TNKS1BP1: variants seen among roughly 807,000 people sequenced by gnomAD.
TNKS1BP1 encodes the protein 182 kDa tankyrase-1-binding protein.
Under a neutral mutation model 141.1 loss-of-function variants are expected in TNKS1BP1, and 48 were observed. That is an observed-to-expected ratio of 0.34 (90% CI 0.27 to 0.43). The LOEUF (loss-of-function observed/expected upper bound fraction) is 0.43. Among genes scored for constraint, TNKS1BP1 ranks in the 20% least tolerant of loss-of-function variants. The pLI is 1.00. For synonymous variants in TNKS1BP1, 875 were observed against 898.2 expected (o/e 0.97, Z 0.46); for missense variants, 2,149 against 2,226.0 (o/e 0.97, Z 0.70).
At chr11:57,311,371 C>G (rs1174489852) in intron 5 of TNKS1BP1, 4 of 985,770 alleles carry the variant, frequency 4.1e-6, no homozygotes, top group Non-Finnish European at 4.8e-6. Context: ...CATGGCCCCC[C>G]GCCCCCAACC....
chr11:57,306,074 TCAAGACCAGCCTGGCCAA>T (rs1855605036), intron 6 of TNKS1BP1, among the ~76,000 whole-genome samples: 1 of 152,034 alleles, frequency 6.6e-6, no homozygotes, highest in Non-Finnish European at 1.5e-5. Context: ...TGTCTGGAGT[TCAAGACCAGCCTGGCCAA>T]CATGGTGAAA....
Position 57,313,290 on chromosome 11 carries a change from T to C in TNKS1BP1, c.1398A>G (p.Ala466=). The C allele has an allele frequency of 1.2e-6, 2 of 1,613,002 alleles. No homozygotes were observed. The highest frequency in any genetic ancestry group is 1.7e-6 in the Non-Finnish European group (2 of 1,180,016). Reference sequence around the variant, plus strand: ...ACTGTGATAAGCTCCAGTTGGACTCTGCCCCAAAGGGACGATCCAGGGCCA... The same window carrying C: ...ACTGTGATAAGCTCCAGTTGGACTCCGCCCCAAAGGGACGATCCAGGGCCA... ...SQLALDRPFG[A]ESNWSLSQSF... Residue 466 remains alanine, a synonymous_variant, in exon 5 of 12, where the codon GCA becomes GCG. Coordinates refer to ENST00000358252, the MANE Select transcript of TNKS1BP1 (RefSeq NM_033396.3).
rs1243878550 is a variant in TNKS1BP1, at chr11:57,309,636, C to T, written c.3075G>A (p.Gly1025=). Residue 1025 remains glycine (G), a synonymous_variant, in exon 6 of 12, where the codon GGG becomes GGA. Transcript: ENST00000358252. The surrounding 1 kb of genome is among the most constrained non-coding windows in gnomAD (Gnocchi z 4.3). ...DAGRPGERGS[G]GLFSPSTAHV... is the part of the protein sequence containing the mutation. Reference sequence around the variant, plus strand: ...GGGCAGTGCTAGGACTGAACAAGCCCCCGGATCCTCTCTCTCCTGGCCGGC... The same window carrying T: ...GGGCAGTGCTAGGACTGAACAAGCCTCCGGATCCTCTCTCTCCTGGCCGGC... The T allele has an allele frequency of 6.2e-7, 1 of 1,614,180 alleles. No homozygotes were observed. The highest frequency in any genetic ancestry group is 2.2e-5 in the East Asian group (1 of 44,882).
Position 57,310,360 on chromosome 11 carries a change from T to C in TNKS1BP1, c.2351A>G (p.Glu784Gly), listed in dbSNP as rs375542885. The C allele has an allele frequency of 6.2e-7, 1 of 1,613,912 alleles. No individual in the cohort carries two copies. The highest frequency in any genetic ancestry group is 1.3e-5 in the African/African-American group (1 of 74,894). ...GCTGGCCCACTCCCTGGTGCTCCCT[T>C]CCCCTGCTCCTTGCCCATACTTGCT... ...WTSKYGQGAG[E>G]GSTREWASRC... Residue 784 changes from glutamate to glycine, a missense_variant, in exon 6 of 12, where the codon GAA (glutamate) becomes GGA (glycine). By Grantham distance (98) the Glu-to-Gly change is moderately conservative (BLOSUM62 -2). Transcript: ENST00000358252.
intron 6 of TNKS1BP1, among the ~76,000 whole-genome samples, chr11:57,303,661 G>A (rs777990908): frequency 2.6e-5 from 4 of 152,158 alleles, no homozygotes; most frequent in Admixed American, 6.5e-5. Context: ...GCTACGCGCC[G>A]GACTAAGCAA....
intron 3 of TNKS1BP1, among the ~76,000 whole-genome samples, chr11:57,319,833 C>T (rs1855854568): frequency 6.7e-6 from 1 of 149,878 alleles, no homozygotes; most frequent in African/African-American, 2.5e-5. Context: ...AACTCTCTAA[C>T]ATAAACCTGC....
At chr11:57,301,096 T>C in intron 9 of TNKS1BP1, 55 bp from the exon 10 acceptor site, 1 of 1,512,650 alleles carries the variant, frequency 6.6e-7, no homozygotes, top group East Asian at 2.4e-5. Context: ...AGTAGGACTC[T>C]CAGGGGGTAA....
chr11:57,313,392 C>A lies in TNKS1BP1; in HGVS notation c.1296G>T (p.Val432=). Residue 432 remains valine (V), a synonymous_variant, in exon 5 of 12, where the codon GTG becomes GTT. Transcript: ENST00000358252. ...CCTGGTCCTGACTGGGTGACTGGAGCACACCTTCAGAGAATCGGCGCTGAA... is the reference window on the plus strand; with the variant it reads ...CCTGGTCCTGACTGGGTGACTGGAGAACACCTTCAGAGAATCGGCGCTGAA... ...SLVQRRFSEG[V]LQSPSQDQEK... 1 of 1,612,432 alleles carries A rather than the reference C, an allele frequency of 6.2e-7. No homozygotes were observed. The highest frequency in any genetic ancestry group is 1.7e-4 in the Middle Eastern group (1 of 6,058).
intron 6 of TNKS1BP1, among the ~76,000 whole-genome samples, chr11:57,306,588 C>G (rs543333123): frequency 2.0e-5 from 3 of 152,120 alleles, no homozygotes; most frequent in Non-Finnish European, 2.9e-5. Context: ...TGTTTTCGTT[C>G]GGCTTTTTGA....
In TNKS1BP1 at chr11:57,313,032, G is replaced by A; in HGVS notation, c.1656C>T (p.Leu552=). 1.2e-6 allele frequency: 2 copies of A among 1,613,954 alleles called. No homozygotes were observed. Among genetic ancestry groups the A allele is most frequent in the Non-Finnish European group, 1.7e-6 (2 of 1,180,038 alleles). The change falls in exon 5 of 12, where the codon CTC becomes CTT. Residue 552 remains leucine, a synonymous_variant. Transcript: ENST00000358252. ...GACTCTCCCCATCGCCCTTCTGGGTGAGGGACATGCTTGGATCATCCCCCT... is the reference window on the plus strand; with the variant it reads ...GACTCTCCCCATCGCCCTTCTGGGTAAGGGACATGCTTGGATCATCCCCCT... ...WVQGDDPSMS[L]TQKGDGESQP...
rs558460519 is a variant in TNKS1BP1 at position 57,304,248 on chromosome 11, T to C, written c.4317-1423A>G. On this transcript the variant is annotated intron_variant, in intron 6 of 11. Transcript: ENST00000358252. ...TAAAGCAGGAGGAGAGTGGGGCAGG[T>C]GAGTCAATACCAAGCAGGAAGAGGG... Among the ~76,000 whole-genome samples the C allele has an allele frequency of 4.0e-5, 6 of 150,688 alleles. No homozygotes were observed. In the South Asian group the frequency reaches 1.3e-3, roughly 32 times the overall value.
At chr11:57,318,784 G>A (rs970932217) in intron 3 of TNKS1BP1, among the ~76,000 whole-genome samples, 1 of 152,206 alleles carries the variant, frequency 6.6e-6, no homozygotes, top group African/African-American at 2.4e-5. Context: ...CTGGAGAAGC[G>A]TATCATATGC....
At position 57,321,924 on chromosome 11, in the gene TNKS1BP1, G is replaced by A; in HGVS notation, c.-39C>T. On this transcript the variant is annotated 5_prime_UTR_variant, in exon 2 of 12. Transcript: ENST00000358252. ...CCCTCCTTGAGAGCGGGGAGGCAGA[G>A]AGGTATGAGCTGGGGTGGCTGCAGA... The A allele has an allele frequency of 6.2e-7, 1 of 1,612,620 alleles. No individual in the cohort carries two copies. The highest frequency in any genetic ancestry group is 8.5e-7 in the Non-Finnish European group (1 of 1,179,166).
At chr11:57,324,186 ATCT>A (rs1302061163) in intron 1 of TNKS1BP1, among the ~76,000 whole-genome samples, 1 of 152,170 alleles carries the variant, frequency 6.6e-6, no homozygotes, top group East Asian at 1.9e-4. Context: ...GGACCCCAGG[ATCT>A]CCAGCCGGAT....
At position 57,313,634 on chromosome 11, in the gene TNKS1BP1, G is replaced by A. The variant is rs753708197; in HGVS notation, c.1054C>T (p.Pro352Ser). 6.4e-7 allele frequency: 1 copy of A among 1,560,870 alleles called. No individual in the cohort carries two copies. Among genetic ancestry groups the A allele is most frequent in the Non-Finnish European group, 8.7e-7 (1 of 1,153,150 alleles). The change falls in exon 5 of 12, where the codon CCC (proline) becomes TCC (serine). Residue 352 changes from proline (P) to serine (S), a missense_variant. Pro to Ser is a moderately conservative substitution (Grantham distance 74). Transcript: ENST00000358252. The stretch of plus-strand genomic sequence containing the variant: ...CCCTCGGCAGGGAGCCCCGGGCTGG[G>A]GGTGTGGCGGGAGCCCTCGTCAGGC... ...ALPDEGSRHT[P>S]SPGLPAEGAP...
chr11:57,323,735 G>A (rs1413766764), intron 1 of TNKS1BP1, among the ~76,000 whole-genome samples: 6 of 152,178 alleles, frequency 3.9e-5, no homozygotes, highest in African/African-American at 7.2e-5. Context: ...GGTGGGGGGA[G>A]GGGCACATGA....
At chr11:57,315,575 TGCCCA>T (rs1855786326) in intron 4 of TNKS1BP1, among the ~76,000 whole-genome samples, 1 of 152,042 alleles carries the variant, frequency 6.6e-6, no homozygotes, top group African/African-American at 2.4e-5. Context: ...GCCCTAGAGC[TGCCCA>T]GAATCCCACG....
intron 2 of TNKS1BP1, 48 bp downstream of exon 2, chr11:57,321,744 T>TGGGGCCC: frequency 3.8e-6 from 4 of 1,039,820 alleles, no homozygotes; most frequent in Non-Finnish European, 5.9e-6. Flanking sequence ...CCTCTGTCCT[T>TGGGGCCC]CCCACCCCCC....
chr11:57,314,315 G>A lies in TNKS1BP1; in HGVS notation c.799-426C>T, dbSNP rs77304844. ...GAGTCGTGAGGGGAGAGAGGGTTTCGCGTCCAAGCAGGATTCGAGGTGCAG... is the reference window on the plus strand; with the variant it reads ...GAGTCGTGAGGGGAGAGAGGGTTTCACGTCCAAGCAGGATTCGAGGTGCAG... On this transcript the variant is annotated intron_variant, in intron 4 of 11. Transcript: ENST00000358252. 1.8e-4 allele frequency among the ~76,000 whole-genome samples: 27 copies of A among 152,272 alleles called. No individual in the cohort carries two copies. The East Asian group carries it at 2.9e-3, about 16-fold the overall frequency.
Sources: allele counts gnomAD v4.1 joint callset (sites outside exome capture counted in the v4.1 genomes callset), GRCh38; gene constraint gnomAD v4.1.1; non-coding constraint Gnocchi (gnomAD v3.1); transcripts MANE v1.5; gene names NCBI Gene and HGNC (gene_info 2026-07-23, HGNC 2026-07-21).